NFATC2: variants seen among roughly 807,000 people sequenced by gnomAD.
The protein encoded by NFATC2 is nuclear factor of activated T cells 2, also known as nuclear factor of activated T-cells, cytoplasmic 2.
A neutral mutation model predicts 87.3 loss-of-function variants in NFATC2; 22 were observed. The observed-to-expected ratio is 0.25, with a 90% CI of 0.18 to 0.36. The LOEUF (loss-of-function observed/expected upper bound fraction) is 0.36, where lower values mean the gene tolerates loss of function less well. Among genes scored for constraint, NFATC2 ranks in the 10% least tolerant of loss-of-function variants. NFATC2 has a pLI of 1.00. For synonymous variants in NFATC2, 565 were observed against 542.2 expected, an observed-to-expected ratio of 1.04 and a Z score of -0.58; for missense variants, 1,149 against 1,259.1, an observed-to-expected ratio of 0.91 and a Z score of 1.32.
intron 1 of NFATC2, among the ~76,000 whole-genome samples, chr20:51,538,149 G>A (rs1194250350): frequency 6.6e-6 from 1 of 152,108 alleles, no homozygotes; most frequent in Non-Finnish European, 1.5e-5. Context: ...ACAAAAAATA[G>A]GCCAATATGA....
chr20:51,561,324 T>G (rs1275094440), intron 1 of NFATC2, among the ~76,000 whole-genome samples: 1 of 36,892 alleles, frequency 2.7e-5, no homozygotes, highest in African/African-American at 1.6e-4. Flanking sequence ...TCAATCTAGT[T>G]AAAAAAAAAA....
intron 5 of NFATC2, among the ~76,000 whole-genome samples, chr20:51,471,840 A>AT (rs1489368270): frequency 1.3e-5 from 2 of 152,074 alleles, no homozygotes; most frequent in African/African-American, 2.4e-5. Context: ...AAATCGGGAT[A>AT]TTTTTTGGTT....
intron 3 of NFATC2, among the ~76,000 whole-genome samples, chr20:51,511,610 C>T (rs1161359996): frequency 6.6e-6 from 1 of 152,242 alleles, no homozygotes; most frequent in Admixed American, 6.5e-5. Flanking sequence ...ATCCATCCAA[C>T]CGAACCATCC....
In NFATC2 at chr20:51,562,453, C is replaced by T; in HGVS notation, c.70+107G>A. The T allele has an allele frequency of 9.4e-7, 1 of 1,064,342 alleles. No homozygotes were observed. Among genetic ancestry groups the T allele is most frequent in the Non-Finnish European group, 1.4e-6 (1 of 728,348 alleles). The allele number at this position is 1,064,342 out of a possible 1,614,324, so 65.9% of individuals were successfully genotyped here. On this transcript the variant is annotated intron_variant, in intron 1 of 10. Transcript: ENST00000414705. The surrounding 1 kb of genome is among the most constrained non-coding windows in gnomAD (Gnocchi z 5.8). ...GGGCGAGCGGGGTCCCCAGGCCTCC[C>T]GCACCGACCTCTGCCGGGAGCTGAA...
At chr20:51,455,701 C>T (rs546951532) in intron 5 of NFATC2, among the ~76,000 whole-genome samples, 24 of 39,068 alleles carry the variant, frequency 6.1e-4, no homozygotes, top group Admixed American at 1.6e-3. Flanking sequence ...AGGAGGAGAA[C>T]GTACTAGTTG....
intron 10 of NFATC2, among the ~76,000 whole-genome samples, chr20:51,394,068 T>TTCTTGCTA (rs1467941981): frequency 2.3e-4 from 35 of 152,180 alleles, no homozygotes; most frequent in African/African-American, 8.0e-4. Context: ...CACTTAGACC[T>TTCTTGCTA]TCTTGCTATT....
chr20:51,540,663 T>TTTTTTTTTTG (rs1555818354), intron 1 of NFATC2, among the ~76,000 whole-genome samples: 6 of 135,680 alleles, frequency 4.4e-5, no homozygotes, highest in Admixed American at 1.4e-4. Context: ...TTTTTGTTTT[T>TTTTTTTTTTG]TTTTTTTTGA....
chr20:51,420,964 G>C (rs1046464376), intron 9 of NFATC2, among the ~76,000 whole-genome samples: 1 of 151,852 alleles, frequency 6.6e-6, no homozygotes, highest in Non-Finnish European at 1.5e-5. Context: ...TGGAGGCTGA[G>C]GCAGGAAGAT....
chr20:51,432,552 T>C lies in NFATC2; in HGVS notation c.2237A>G (p.Asn746Ser), dbSNP rs1600719154. Residue 746 changes from asparagine (N) to serine (S), a missense_variant, in exon 9 of 11, where the codon AAC becomes AGC. Transcript: ENST00000371564. The surrounding 1 kb of genome is among the most constrained non-coding windows in gnomAD (Gnocchi z 4.6). ...CCGCTGGTAGAGTACGGCCGCTGGG[T>C]TCTGTTGCTGGTAGCGGGCGTCAGG... ...SSPDARYQQQ[N>S]PAAVLYQRSK... 12 of 1,542,192 alleles carry C rather than the reference T, an allele frequency of 7.8e-6. No homozygotes were observed. Among genetic ancestry groups the C allele is most frequent in the Non-Finnish European group, 9.6e-6 (11 of 1,145,418 alleles).
At chr20:51,495,829 C>T (rs1198096130) in intron 3 of NFATC2, among the ~76,000 whole-genome samples, 1 of 152,206 alleles carries the variant, frequency 6.6e-6, no homozygotes, top group Non-Finnish European at 1.5e-5. Context: ...CTCTAACTCA[C>T]ACCTCAATCA....
chr20:51,472,629 CTTTTTTT>C (rs1223762055), intron 5 of NFATC2, among the ~76,000 whole-genome samples: 11 of 92,730 alleles, frequency 1.2e-4, no homozygotes, highest in East Asian at 6.4e-4. Flanking sequence ...CTTCTTTCTT[CTTTTTTT>C]TTTTTTTTTT....
In NFATC2 at chr20:51,432,660, T is replaced by C; in HGVS notation, c.2129A>G (p.Gln710Arg). 6 of 1,559,976 alleles carry C rather than the reference T, an allele frequency of 3.8e-6. No homozygotes were observed. The highest frequency in any genetic ancestry group is 5.2e-6 in the Non-Finnish European group (6 of 1,158,458). The change falls in exon 9 of 11, where the codon CAG (glutamine) becomes CGG (arginine). Residue 710 changes from glutamine to arginine, a missense_variant. By Grantham distance (43) the Gln-to-Arg change is conservative. Transcript: ENST00000371564. This position sits in a 1 kb window ranked among gnomAD's most constrained non-coding sequence, Gnocchi z 4.6. The stretch of plus-strand genomic sequence containing the variant: ...GGGGGACTCGGCCACCATCGGGTGC[T>C]GGGGGTAGTAAGGCTGGCTCCCCAG... Reference protein sequence around the residue: ...GGLGSQPYYPQHPMVAESPSC... With the variant: ...GGLGSQPYYPRHPMVAESPSC...
intron 3 of NFATC2, among the ~76,000 whole-genome samples, chr20:51,488,646 T>G (rs2075825955): frequency 6.6e-6 from 1 of 152,156 alleles, no homozygotes; most frequent in Admixed American, 6.5e-5. Context: ...TCAGAAAGTG[T>G]TGTTCAACGG....
chr20:51,505,086 T>TC (rs149878277), intron 3 of NFATC2, among the ~76,000 whole-genome samples: 7,157 of 132,320 alleles, frequency 0.054, 227 homozygotes, highest in Middle Eastern at 0.14. Context: ...CGGTCTCAGC[T>TC]CACTGCAAGC....
At chr20:51,530,426 G>C (rs2076614396) in intron 1 of NFATC2, among the ~76,000 whole-genome samples, 1 of 152,198 alleles carries the variant, frequency 6.6e-6, no homozygotes, top group East Asian at 1.9e-4. Flanking sequence ...ACCTCGGCCT[G>C]CCAAAGTGCT....
At position 51,562,457 on chromosome 20, in the gene NFATC2, C is replaced by A; in HGVS notation, c.70+103G>T. 3.6e-6 allele frequency: 4 copies of A among 1,102,622 alleles called. No individual in the cohort carries two copies. Among genetic ancestry groups the A allele is most frequent in the Non-Finnish European group, 3.9e-6 (3 of 759,892 alleles). 68.3% of individuals were successfully genotyped at this position (1,102,622 alleles called of 1,614,324 possible). Reference sequence around the variant, plus strand: ...GAGCGGGGTCCCCAGGCCTCCCGCACCGACCTCTGCCGGGAGCTGAAAGTG... The same window carrying A: ...GAGCGGGGTCCCCAGGCCTCCCGCAACGACCTCTGCCGGGAGCTGAAAGTG... On this transcript the variant is annotated intron_variant, in intron 1 of 10. Coordinates refer to the NFATC2 transcript ENST00000414705. This position sits in a 1 kb window ranked among gnomAD's most constrained non-coding sequence, Gnocchi z 5.8.
chr20:51,435,090 G>C, intron 8 of NFATC2, 98 bp downstream of exon 8: 1 of 1,491,332 alleles, frequency 6.7e-7, no homozygotes, highest in Admixed American at 2.0e-5. Flanking sequence ...TGAGTCATCT[G>C]TCCAAAGTTA....
At chr20:51,494,178 G>A (rs184568037) in intron 3 of NFATC2, among the ~76,000 whole-genome samples, 66 of 152,010 alleles carry the variant, frequency 4.3e-4, no homozygotes, top group African/African-American at 1.5e-3. Context: ...TGGACATGAG[G>A]AAGGACAGGA....
intron 9 of NFATC2, among the ~76,000 whole-genome samples, chr20:51,401,491 A>G (rs1988040290): frequency 6.6e-6 from 1 of 152,218 alleles, no homozygotes; most frequent in Non-Finnish European, 1.5e-5. Context: ...CTGTTTCCCT[A>G]CATATTTAAA....
Sources: allele counts gnomAD v4.1 joint callset (sites outside exome capture counted in the v4.1 genomes callset), GRCh38; gene constraint gnomAD v4.1.1; non-coding constraint Gnocchi (gnomAD v3.1); transcripts MANE v1.5; gene names NCBI Gene and HGNC (gene_info 2026-07-23, HGNC 2026-07-21).